TENM4: variants seen among roughly 807,000 people sequenced by gnomAD.
TENM4 encodes the protein teneurin-4.
Under a neutral mutation model 243.3 loss-of-function variants are expected in TENM4, and 82 were observed. The observed-to-expected ratio is 0.34, with a 90% CI of 0.28 to 0.40. The LOEUF (loss-of-function observed/expected upper bound fraction) is 0.40. Among genes scored for constraint, TENM4 ranks in the 10% least tolerant of loss-of-function variants. The pLI is 1.00. For missense variants in TENM4, 3,138 were observed against 3,673.3 expected, an observed-to-expected ratio of 0.85 and a Z score of 3.77; for synonymous variants, 1,412 against 1,456.3, an observed-to-expected ratio of 0.97 and a Z score of 0.69.
At chr11:79,009,511 A>G (rs1364612659) in intron 6 of TENM4, among the ~76,000 whole-genome samples, 1 of 152,164 alleles carries the variant, frequency 6.6e-6, no homozygotes, top group Non-Finnish European at 1.5e-5. Context: ...GGGGTAATAA[A>G]TGCCATTTGT....
chr11:78,980,600 G>A (rs1158276823), intron 6 of TENM4, among the ~76,000 whole-genome samples: 2 of 152,244 alleles, frequency 1.3e-5, no homozygotes, highest in Admixed American at 6.5e-5. Flanking sequence ...AATAGTAACA[G>A]TAGCGAAGTC....
intron 4 of TENM4, among the ~76,000 whole-genome samples, chr11:79,142,282 G>T (rs1862301178): frequency 6.6e-6 from 1 of 151,992 alleles, no homozygotes; most frequent in Non-Finnish European, 1.5e-5. Context: ...ATTCAGTAAA[G>T]TTGCAGGGTA....
intron 16 of TENM4, among the ~76,000 whole-genome samples, chr11:78,781,412 G>A (rs189893949): frequency 3.9e-4 from 59 of 152,234 alleles, no homozygotes; most frequent in Admixed American, 3.9e-3. Flanking sequence ...CTATCTCTGT[G>A]TGAAAAGCCG....
intron 1 of TENM4, among the ~76,000 whole-genome samples, chr11:79,432,207 C>G (rs1490445905): frequency 1.3e-5 from 2 of 152,178 alleles, no homozygotes; most frequent in African/African-American, 4.8e-5. Context: ...CCACCTACTT[C>G]TACCACATTT....
chr11:78,658,865 C>A, intron 33 of TENM4, 49 bp from the exon 34 acceptor site: 4 of 1,558,022 alleles, frequency 2.6e-6, no homozygotes, highest in Non-Finnish European at 3.5e-6. Context: ...GGGGAAAAAA[C>A]CCTGAGAACC....
At chr11:79,260,786 C>A (rs1028244061) in intron 2 of TENM4, among the ~76,000 whole-genome samples, 5 of 152,204 alleles carry the variant, frequency 3.3e-5, no homozygotes, top group African/African-American at 1.2e-4. Context: ...TCCCACCTGC[C>A]CAGTATTCCC....
intron 6 of TENM4, among the ~76,000 whole-genome samples, chr11:79,022,710 A>G (rs944608985): frequency 1.1e-4 from 16 of 152,232 alleles, no homozygotes; most frequent in African/African-American, 3.4e-4. Flanking sequence ...TTTGTAAAAA[A>G]TGAAGATGAT....
chr11:79,302,065 A>G (rs1856559225), intron 1 of TENM4, among the ~76,000 whole-genome samples: 1 of 152,230 alleles, frequency 6.6e-6, no homozygotes, highest in African/African-American at 2.4e-5. Flanking sequence ...TCCGGAATTT[A>G]GCATGGTACT....
intron 2 of TENM4, among the ~76,000 whole-genome samples, chr11:79,288,433 T>A (rs746347545): frequency 6.6e-6 from 1 of 152,242 alleles, no homozygotes; most frequent in Non-Finnish European, 1.5e-5. Flanking sequence ...CTGCAGTTAT[T>A]CACAATGACC....
chr11:78,673,225 G>A (rs773533780), intron 30 of TENM4, among the ~76,000 whole-genome samples: 2 of 152,138 alleles, frequency 1.3e-5, no homozygotes, highest in African/African-American at 4.8e-5. Flanking sequence ...TTTTAATAAA[G>A]AAATATACTT....
At chr11:78,910,224 C>T (rs1410778691) in intron 6 of TENM4, among the ~76,000 whole-genome samples, 1 of 152,210 alleles carries the variant, frequency 6.6e-6, no homozygotes, top group Non-Finnish European at 1.5e-5. Flanking sequence ...CTGAAGGTCT[C>T]CTTGCTACGG....
At chr11:79,332,776 T>G (rs910254272) in intron 1 of TENM4, among the ~76,000 whole-genome samples, 9 of 152,312 alleles carry the variant, frequency 5.9e-5, no homozygotes, top group Admixed American at 3.3e-4. Context: ...AGTCTGCACC[T>G]CTACGTTGTC....
intron 6 of TENM4, among the ~76,000 whole-genome samples, chr11:78,905,188 A>G (rs560934197): frequency 6.6e-6 from 1 of 152,332 alleles, no homozygotes; most frequent in East Asian, 1.9e-4. Context: ...TTTATAGAGG[A>G]GACTAAGAAT....
chr11:79,424,984 G>C (rs1859018395), intron 1 of TENM4, among the ~76,000 whole-genome samples: 1 of 152,158 alleles, frequency 6.6e-6, no homozygotes, highest in Non-Finnish European at 1.5e-5. Flanking sequence ...GCCTGGTCTA[G>C]TTGTGGCTCA....
intron 12 of TENM4, among the ~76,000 whole-genome samples, chr11:78,838,842 T>C (rs77664704): frequency 0.012 from 1,880 of 152,290 alleles, 56 homozygotes; most frequent in African/African-American, 0.044. Context: ...CACTGCAGGC[T>C]AAAACTCCTT....
chr11:79,041,014 C>A (rs898045926), intron 6 of TENM4, among the ~76,000 whole-genome samples: 32 of 151,166 alleles, frequency 2.1e-4, no homozygotes, highest in African/African-American at 7.1e-4. Flanking sequence ...TGCAGTAACT[C>A]GGGAGTTAGA....
chr11:79,171,852 C>T (rs1457073543), intron 3 of TENM4, among the ~76,000 whole-genome samples: 2 of 152,212 alleles, frequency 1.3e-5, no homozygotes, highest in African/African-American at 2.4e-5. Context: ...AGCACTTCCC[C>T]AACAATTCTC....
intron 4 of TENM4, among the ~76,000 whole-genome samples, chr11:79,139,721 AAT>A (rs1164155772): frequency 2.1e-5 from 1 of 47,830 alleles, no homozygotes; most frequent in East Asian, 8.3e-4. Flanking sequence ...AAGTATATAA[AAT>A]ATATATTATA....
At chr11:79,429,084 C>A (rs1412410550) in intron 1 of TENM4, among the ~76,000 whole-genome samples, 2 of 152,134 alleles carry the variant, frequency 1.3e-5, no homozygotes, top group Non-Finnish European at 2.9e-5. Context: ...CTGACAGCAG[C>A]TCAGAGAAAC....
Sources: gnomAD v4.1 joint callset for allele counts (sites outside exome capture counted in the v4.1 genomes callset) on GRCh38, gnomAD v4.1.1 for gene constraint, MANE v1.5 for transcripts, NCBI Gene and HGNC (gene_info 2026-07-23, HGNC 2026-07-21) for gene names.